ARHGAP26: variants seen among roughly 807,000 people sequenced by gnomAD.
The protein encoded by ARHGAP26 is rho GTPase-activating protein 26.
In ARHGAP26, 38 loss-of-function variants were observed where a neutral mutation model predicts 104.8. That is an observed-to-expected ratio of 0.36 (90% CI 0.28 to 0.48). The LOEUF is 0.48. ARHGAP26 is among the 20% of genes least tolerant of loss of function. The pLI is 0.99. For synonymous variants in ARHGAP26, 341 were observed against 340.0 expected, an observed-to-expected ratio of 1.00 and a Z score of -0.03; for missense variants, 704 against 947.9, an observed-to-expected ratio of 0.74 and a Z score of 3.38.
intron 17 of ARHGAP26, among the ~76,000 whole-genome samples, chr5:143,118,727 A>G (rs1015571882): frequency 6.6e-6 from 1 of 151,796 alleles, no homozygotes; most frequent in African/African-American, 2.4e-5. Context: ...ATCTATGATC[A>G]TGCCACTGCA....
intron 10 of ARHGAP26, chr5:142,919,438 A>G: frequency 2.5e-6 from 1 of 398,600 alleles, no homozygotes; most frequent in Non-Finnish European, 4.4e-6. Flanking sequence ...ATTTCTGTTG[A>G]TTAAGCCAGC....
At chr5:142,797,525 G>A (rs1311464906) in intron 1 of ARHGAP26, among the ~76,000 whole-genome samples, 1 of 152,156 alleles carries the variant, frequency 6.6e-6, no homozygotes, top group African/African-American at 2.4e-5. Flanking sequence ...GTGGTCACAG[G>A]GTGATTTTTT....
At position 143,166,110 on chromosome 5, in the gene ARHGAP26, G is replaced by C. The variant is rs567151238; in HGVS notation, c.1988+18729G>C. 1.5e-5 allele frequency: 19 copies of C among 1,302,552 alleles called. No homozygotes were observed. The Admixed American group carries it at 4.8e-4, about 33-fold the overall frequency. 80.7% of individuals were successfully genotyped at this position (1,302,552 alleles called of 1,614,324 possible). A position where few individuals can be genotyped will look rare whatever the true frequency, so the allele number is the denominator to read the frequency against. On this transcript the variant is annotated intron_variant, in intron 20 of 22. Coordinates refer to ENST00000645722, the MANE Select transcript of ARHGAP26 (RefSeq NM_001135608.3). ...TGATGGGCACAAGGTGAGAAGGGAG[G>C]CTGCCCTCTGGGTTCCAGTCATATC...
At chr5:143,100,901 G>C (rs1793124326) in intron 17 of ARHGAP26, among the ~76,000 whole-genome samples, 1 of 152,144 alleles carries the variant, frequency 6.6e-6, no homozygotes, top group Non-Finnish European at 1.5e-5. Flanking sequence ...GACCAGCCTG[G>C]CCAACATGGC....
At chr5:143,088,627 G>A (rs1790946514) in intron 17 of ARHGAP26, among the ~76,000 whole-genome samples, 1 of 152,218 alleles carries the variant, frequency 6.6e-6, no homozygotes. Flanking sequence ...AAAAGGAATA[G>A]CACTCGAATA....
At chr5:142,771,199 G>T in intron 1 of ARHGAP26, 1 of 1,282,324 alleles carries the variant, frequency 7.8e-7, no homozygotes, top group Non-Finnish European at 9.8e-7. Flanking sequence ...GGGCGTGCGC[G>T]GCACGCAGGT....
chr5:143,194,878 C>T (rs1324347136), intron 20 of ARHGAP26, among the ~76,000 whole-genome samples: 2 of 146,586 alleles, frequency 1.4e-5, no homozygotes, highest in African/African-American at 5.5e-5. Context: ...GCAGCCTGCG[C>T]CAGCCATTGT....
At chr5:142,902,114 C>T (rs1760439474) in intron 7 of ARHGAP26, 75 bp downstream of exon 7, 4 of 1,330,020 alleles carry the variant, frequency 3.0e-6, no homozygotes, top group Non-Finnish European at 4.3e-6. Flanking sequence ...GCCCTAGAAA[C>T]CATCCAGGTG....
At position 143,192,057 on chromosome 5, in the gene ARHGAP26, T is replaced by A. The variant is rs182662188; in HGVS notation, c.1989-15141T>A. 4.4e-4 allele frequency among the ~76,000 whole-genome samples: 67 copies of A among 152,346 alleles called. 1 individual carries two copies. The highest frequency in any genetic ancestry group is 1.6e-3 in the African/African-American group (65 of 41,574). On this transcript the variant is annotated intron_variant, in intron 20 of 22. Transcript: ENST00000645722. ...TTTACTTGATCCTGTGGAGTCTTTC[T>A]TAAAAATACAGTCTTTAGATATTGT...
At chr5:142,792,178 T>A (rs1259111769) in intron 1 of ARHGAP26, among the ~76,000 whole-genome samples, 1 of 152,094 alleles carries the variant, frequency 6.6e-6, no homozygotes, top group Non-Finnish European at 1.5e-5. Context: ...GTAGATACCC[T>A]CAGGGCATAG....
At chr5:143,104,144 A>G (rs1014214941) in intron 17 of ARHGAP26, among the ~76,000 whole-genome samples, 3 of 152,166 alleles carry the variant, frequency 2.0e-5, no homozygotes, top group African/African-American at 4.8e-5. Flanking sequence ...AAATGGGCAT[A>G]TTAAAATTTT....
intron 11 of ARHGAP26, among the ~76,000 whole-genome samples, chr5:142,992,164 A>G (rs1240211943): frequency 1.3e-5 from 2 of 151,256 alleles, no homozygotes; most frequent in African/African-American, 2.4e-5. Flanking sequence ...TTCACCTTTG[A>G]GTGTTAATTA....
chr5:142,821,813 AG>A (rs1445597980), intron 1 of ARHGAP26, among the ~76,000 whole-genome samples: 2 of 152,228 alleles, frequency 1.3e-5, no homozygotes, highest in Non-Finnish European at 2.9e-5. Flanking sequence ...TTTAGAAAGT[AG>A]GGTGCCTCTG....
chr5:143,009,927 C>CTAT (rs201871053), intron 11 of ARHGAP26, among the ~76,000 whole-genome samples: 1,749 of 152,274 alleles, frequency 0.011, 34 homozygotes, highest in African/African-American at 0.04. Flanking sequence ...TGGGTTGCTC[C>CTAT]TGGAGAGTTG....
At chr5:142,877,941 T>A (rs549917124) in intron 3 of ARHGAP26, among the ~76,000 whole-genome samples, 1 of 152,194 alleles carries the variant, frequency 6.6e-6, no homozygotes, top group East Asian at 1.9e-4. Context: ...TTAAGTAACA[T>A]TGAATAACAA....
At chr5:143,156,992 A>G (rs853173) in intron 20 of ARHGAP26, among the ~76,000 whole-genome samples, 35,995 of 152,130 alleles carry the variant, frequency 0.24, 5,151 homozygotes, top group East Asian at 0.55. Context: ...TGTGTGTGTA[A>G]CATGAAAAGA....
At chr5:142,881,022 T>C (rs1298547782) in intron 4 of ARHGAP26, among the ~76,000 whole-genome samples, 1 of 152,270 alleles carries the variant, frequency 6.6e-6, no homozygotes, top group Non-Finnish European at 1.5e-5. Flanking sequence ...CAAAGTCTTA[T>C]TCCACTAAGA....
At position 142,907,720 on chromosome 5, in the gene ARHGAP26, T is replaced by C. The variant is rs1307226779; in HGVS notation, c.849T>C (p.Ser283=). The change falls in exon 9 of 23, where the codon TCT becomes TCC. Residue 283 remains serine, a synonymous_variant. Transcript: ENST00000645722. ...ACCTTTCAGGTCACTTTGGAACTTC[T>C]TGGGTGAAGCACTACTGTACATATC... The part of the protein sequence containing the change: ...YVQEKRHFGT[S]WVKHYCTYQR... 6.2e-7 allele frequency: 1 copy of C among 1,605,444 alleles called. No homozygotes were observed. Among genetic ancestry groups the C allele is most frequent in the Non-Finnish European group, 8.5e-7 (1 of 1,174,258 alleles).
intron 9 of ARHGAP26, 36 bp from the exon 10 acceptor site, chr5:142,913,163 C>A (rs1366688074): frequency 4.5e-6 from 7 of 1,562,410 alleles, no homozygotes; most frequent in Non-Finnish European, 6.2e-6. Context: ...AGCTCCCATT[C>A]TGGCCTCATC....
Sources: allele counts gnomAD v4.1 joint callset (sites outside exome capture counted in the v4.1 genomes callset), GRCh38; gene constraint gnomAD v4.1.1; transcripts MANE v1.5; gene names NCBI Gene and HGNC (gene_info 2026-07-23, HGNC 2026-07-21).